The following ROBO2 variants were observed in gnomAD, a reference collection of about 807,000 sequenced individuals.
ROBO2 encodes the protein roundabout homolog 2.
ROBO2 carries 53 observed loss-of-function variants against 160.8 expected under a neutral mutation model. The ratio of observed to expected loss-of-function variants is 0.33; its 90% CI spans 0.26 to 0.41. ROBO2 has a LOEUF of 0.41. Among genes scored for constraint, ROBO2 ranks in the 10% least tolerant of loss-of-function variants. The probability of loss-of-function intolerance (pLI) is 1.00; values close to 1 mark genes in which losing one functional copy is unlikely to be tolerated. For synonymous variants in ROBO2, 664 were observed against 611.7 expected, an observed-to-expected ratio of 1.09 and a Z score of -1.26; for missense variants, 1,577 against 1,722.4, an observed-to-expected ratio of 0.92 and a Z score of 1.49.
intron 2 of ROBO2, among the ~76,000 whole-genome samples, chr3:77,417,939 C>T (rs1047258873): frequency 1.3e-5 from 2 of 151,916 alleles, no homozygotes; most frequent in South Asian, 4.2e-4. Context: ...TTTAAAGTTT[C>T]CTTTTTTAAG....
rs1045303460 is a variant in ROBO2 at position 77,376,256 on chromosome 3, G to A, written c.389-101158G>A. On this transcript the variant is annotated intron_variant, in intron 2 of 25. Transcript: ENST00000461745. ...TGCAACCTCCGCCTCCCAGGTTCAA[G>A]CGATTCTCCTGCCTCAGCCTCCTGA... Among the ~76,000 whole-genome samples, 6 of 143,668 alleles carry A rather than the reference G, an allele frequency of 4.2e-5. No homozygotes were observed. In the South Asian group the frequency reaches 6.7e-4, roughly 16 times the overall value. 94.3% of individuals were successfully genotyped at this position (143,668 alleles called of 152,430 possible).
At chr3:77,318,408 A>G (rs2064297601) in intron 2 of ROBO2, among the ~76,000 whole-genome samples, 1 of 152,242 alleles carries the variant, frequency 6.6e-6, no homozygotes, top group South Asian at 2.1e-4. Context: ...AAATAAAAGA[A>G]TATAGATAAT....
intron 2 of ROBO2, among the ~76,000 whole-genome samples, chr3:76,254,011 A>G (rs993243274): frequency 3.3e-5 from 5 of 152,128 alleles, no homozygotes; most frequent in Admixed American, 6.6e-5. Context: ...ATAGCAATAC[A>G]TAAATCATTA....
intron 2 of ROBO2, among the ~76,000 whole-genome samples, chr3:76,870,560 A>C (rs182173716): frequency 6.6e-6 from 1 of 152,312 alleles, no homozygotes; most frequent in East Asian, 1.9e-4. Flanking sequence ...GCTAAACTAC[A>C]GTTTCTCACT....
chr3:77,565,331 A>G (rs2093447895), intron 12 of ROBO2, among the ~76,000 whole-genome samples: 1 of 152,102 alleles, frequency 6.6e-6, no homozygotes. Flanking sequence ...AGCAAAAAAT[A>G]AAAATAATTG....
At chr3:77,336,643 A>G (rs1162045773) in intron 2 of ROBO2, among the ~76,000 whole-genome samples, 1 of 152,170 alleles carries the variant, frequency 6.6e-6, no homozygotes, top group East Asian at 1.9e-4. Context: ...TTATGAGGGA[A>G]CTAATGAGGG....
chr3:76,996,413 T>C lies in ROBO2; in HGVS notation c.110-101601T>C, dbSNP rs551707412. On this transcript the variant is annotated intron_variant, in intron 2 of 26. Transcript: ENST00000487694. ...TGCCTCCAGCTTTGTTCTTTTGGCT[T>C]AGGACTGACTTGGCAATGTGGGCTC... Among the ~76,000 whole-genome samples the C allele has an allele frequency of 1.1e-4, 17 of 152,316 alleles. No homozygotes were observed. The South Asian group carries it at 3.1e-3, about 28-fold the overall frequency.
chr3:76,427,051 CCTAA>C (rs752069892), intron 2 of ROBO2, among the ~76,000 whole-genome samples: 12 of 152,174 alleles, frequency 7.9e-5, no homozygotes, highest in South Asian at 2.1e-4. Context: ...TTTCCTATGA[CCTAA>C]CTATTAGTCT....
intron 2 of ROBO2, among the ~76,000 whole-genome samples, chr3:75,971,770 G>C (rs563585220): frequency 3.3e-5 from 5 of 151,506 alleles, no homozygotes; most frequent in African/African-American, 1.2e-4. Context: ...AATTTTTCTT[G>C]TAACATTTTA....
intron 2 of ROBO2, among the ~76,000 whole-genome samples, chr3:76,790,662 A>G (rs1375458556): frequency 6.6e-6 from 1 of 151,752 alleles, no homozygotes; most frequent in East Asian, 1.9e-4. Flanking sequence ...ACTACATCGC[A>G]TTTCCCAAAT....
At chr3:76,452,235 C>T (rs2077511463) in intron 2 of ROBO2, among the ~76,000 whole-genome samples, 1 of 151,838 alleles carries the variant, frequency 6.6e-6, no homozygotes, top group Non-Finnish European at 1.5e-5. Flanking sequence ...GTGTAGGTTA[C>T]TTACATATGT....
chr3:76,869,874 C>G (rs548295259), intron 2 of ROBO2, among the ~76,000 whole-genome samples: 15 of 152,150 alleles, frequency 9.9e-5, no homozygotes, highest in African/African-American at 3.4e-4. Context: ...TTGACTGGTT[C>G]TAGTTTAGAG....
At chr3:76,434,641 A>T in intron 2 of ROBO2, 1 of 1,345,088 alleles carries the variant, frequency 7.4e-7, no homozygotes, top group African/African-American at 1.4e-5. Flanking sequence ...GTGGCAAAAG[A>T]ACTGAGTGGA....
chr3:76,400,926 T>G (rs2077776776), intron 2 of ROBO2, among the ~76,000 whole-genome samples: 1 of 151,572 alleles, frequency 6.6e-6, no homozygotes, highest in South Asian at 2.1e-4. Flanking sequence ...CAGGATTATT[T>G]TTTATTGTGG....
chr3:77,599,134 T>C (rs1210422124), intron 19 of ROBO2, among the ~76,000 whole-genome samples: 1 of 152,202 alleles, frequency 6.6e-6, no homozygotes, highest in African/African-American at 2.4e-5. Flanking sequence ...GAGTTGACTG[T>C]ATCCCTTATC....
intron 2 of ROBO2, among the ~76,000 whole-genome samples, chr3:76,734,810 A>G (rs1431439658): frequency 1.3e-5 from 2 of 152,204 alleles, no homozygotes; most frequent in Non-Finnish European, 2.9e-5. Flanking sequence ...CACCCCCAAA[A>G]CTGTGAAAGT....
At chr3:77,571,620 T>G (rs2093638332) in intron 13 of ROBO2, among the ~76,000 whole-genome samples, 2 of 152,046 alleles carry the variant, frequency 1.3e-5, no homozygotes, top group Non-Finnish European at 2.9e-5. Context: ...AACTCTTTTT[T>G]TATTCATGTT....
chr3:76,597,820 T>G lies in ROBO2; in HGVS notation c.110-500194T>G, dbSNP rs535064848. Among the ~76,000 whole-genome samples the G allele has an allele frequency of 3.9e-5, 6 of 152,272 alleles. No homozygotes were observed. In the South Asian group the frequency reaches 1.2e-3, roughly 32 times the overall value. ...TTTGGTTTTCACTTCCTGCATTAGT[T>G]TGTTAAGGATTATGGCCTCCATCTC... On this transcript the variant is annotated intron_variant, in intron 2 of 26. Coordinates refer to the ROBO2 transcript ENST00000487694.
At chr3:76,884,492 G>A (rs1389380886) in intron 2 of ROBO2, among the ~76,000 whole-genome samples, 1 of 152,182 alleles carries the variant, frequency 6.6e-6, no homozygotes, top group Non-Finnish European at 1.5e-5. Flanking sequence ...AAACGCAGCA[G>A]AGAAACCTTG....
Sources: gnomAD v4.1 joint callset for allele counts (sites outside exome capture counted in the v4.1 genomes callset) on GRCh38, gnomAD v4.1.1 for gene constraint, MANE v1.5 for transcripts, NCBI Gene and HGNC (gene_info 2026-07-23, HGNC 2026-07-21) for gene names.